TGFBR3: variants seen among roughly 807,000 people sequenced by gnomAD.
TGFBR3 encodes the protein transforming growth factor beta receptor type 3.
A neutral mutation model predicts 87.9 loss-of-function variants in TGFBR3; 46 were observed. The ratio of observed to expected loss-of-function variants is 0.52; its 90% CI spans 0.41 to 0.67. The LOEUF is 0.67. Among genes scored for constraint, TGFBR3 ranks in the 30% least tolerant of loss-of-function variants. The probability of loss-of-function intolerance (pLI) is 0.00; values close to 1 mark genes in which losing one functional copy is unlikely to be tolerated. For synonymous variants in TGFBR3, 381 were observed against 391.6 expected (o/e 0.97, Z 0.32); for missense variants, 866 against 1,041.9 (o/e 0.83, Z 2.32).
intron 4 of TGFBR3, among the ~76,000 whole-genome samples, chr1:91,747,191 G>A (rs1347186209): frequency 6.6e-6 from 1 of 152,216 alleles, no homozygotes; most frequent in African/African-American, 2.4e-5. Context: ...CTGTGGGAAG[G>A]TGGACACTCT....
At position 91,722,092 on chromosome 1, in the gene TGFBR3, G is replaced by GTCATTGTCATAGATCTTT; in HGVS notation, c.920_937dup (p.Met312_Thr313insLysArgSerMetThrMet). On this transcript the variant is annotated inframe_insertion, in exon 8 of 17. Coordinates refer to ENST00000212355, the MANE Select transcript of TGFBR3 (RefSeq NM_003243.5). ...AGGAATGTCATCTCTTATTGATTTG[G>GTCATTGTCATAGATCTTT]TCATTGTCATAGATCTTTCACTCTC... The GTCATTGTCATAGATCTTT allele has an allele frequency of 6.2e-7, 1 of 1,613,812 alleles. No individual in the cohort carries two copies.
At chr1:91,712,569 G>A (rs1672021052) in intron 12 of TGFBR3, 27 bp from the exon 13 acceptor site, 2 of 1,611,676 alleles carry the variant, frequency 1.2e-6, no homozygotes, top group African/African-American at 1.3e-5. Flanking sequence ...AGATGAATTA[G>A]GAAATGAGTT....
intron 1 of TGFBR3, among the ~76,000 whole-genome samples, chr1:91,872,664 C>T (rs1020910858): frequency 2.0e-5 from 3 of 152,160 alleles, no homozygotes; most frequent in East Asian, 1.9e-4. Context: ...GGAAATTCTG[C>T]CCTGTTTCCC....
intron 1 of TGFBR3, among the ~76,000 whole-genome samples, chr1:91,903,570 C>A (rs1266510939): frequency 6.6e-6 from 1 of 151,416 alleles, no homozygotes; most frequent in Non-Finnish European, 1.5e-5. Flanking sequence ...TACTGAGACC[C>A]CTATCTCTCT....
chr1:91,867,660 C>A (rs939096443), intron 1 of TGFBR3, among the ~76,000 whole-genome samples: 10 of 152,164 alleles, frequency 6.6e-5, no homozygotes, highest in Non-Finnish European at 8.8e-5. Flanking sequence ...TAAGAACCAC[C>A]TTTTCACATT....
rs1200072624 is a variant in TGFBR3, at chr1:91,720,084, T to C, written c.1222A>G (p.Ile408Val). 6.2e-7 allele frequency: 1 copy of C among 1,613,998 alleles called. No homozygotes were observed. The highest frequency in any genetic ancestry group is 1.3e-5 in the African/African-American group (1 of 74,902). The change falls in exon 9 of 17, where the codon ATT becomes GTT. Residue 408 changes from isoleucine to valine, a missense_variant. By Grantham distance (29) the Ile-to-Val change is conservative (BLOSUM62 3). Coordinates refer to ENST00000212355, the MANE Select transcript of TGFBR3 (RefSeq NM_003243.5). Reference protein sequence around the residue: ...NGGLPFPFPDISRRVWNEEGE... With the variant: ...NGGLPFPFPDVSRRVWNEEGE... The stretch of plus-strand genomic sequence containing the variant: ...TCTTCATTCCAGACTCTCCTGGAAA[T>C]ATCTGGGAAAGGAAACGGAAGGCCT...
intron 1 of TGFBR3, among the ~76,000 whole-genome samples, chr1:91,903,016 A>G (rs1679765361): frequency 7.2e-6 from 1 of 138,690 alleles, no homozygotes; most frequent in Admixed American, 7.4e-5. Flanking sequence ...ACAGTCTTCT[A>G]GCACCTCACT....
chr1:91,866,721 T>A (rs1430226161), intron 1 of TGFBR3: 2 of 152,084 alleles, frequency 1.3e-5, no homozygotes, highest in Non-Finnish European at 2.9e-5. Flanking sequence ...AACTACACGA[T>A]ATAATCAGAG....
chr1:91,736,685 A>G (rs1035225391), intron 4 of TGFBR3, among the ~76,000 whole-genome samples: 1 of 152,020 alleles, frequency 6.6e-6, no homozygotes, highest in Non-Finnish European at 1.5e-5. Context: ...TGTTTATCTA[A>G]TTTTTTGACT....
intron 1 of TGFBR3, among the ~76,000 whole-genome samples, chr1:91,872,831 TG>T (rs1173788660): frequency 1.3e-5 from 2 of 152,198 alleles, no homozygotes; most frequent in Admixed American, 6.5e-5. Flanking sequence ...CTTGTAAGGA[TG>T]GGGGGACCCA....
intron 4 of TGFBR3, among the ~76,000 whole-genome samples, chr1:91,738,497 TG>T (rs759612321): frequency 8.5e-5 from 13 of 152,258 alleles, no homozygotes; most frequent in Non-Finnish European, 1.8e-4. Flanking sequence ...TTTAAAAGTG[TG>T]TGGCACCTCC....
intron 16 of TGFBR3, among the ~76,000 whole-genome samples, chr1:91,685,248 T>C (rs1671050368): frequency 6.6e-6 from 1 of 152,110 alleles, no homozygotes; most frequent in Admixed American, 6.5e-5. Flanking sequence ...AATTATCTTT[T>C]CTTCTGGGAT....
intron 16 of TGFBR3, among the ~76,000 whole-genome samples, chr1:91,684,402 T>G (rs1267345136): frequency 2.0e-5 from 3 of 152,172 alleles, no homozygotes; most frequent in Non-Finnish European, 4.4e-5. Flanking sequence ...GCCAAACAGA[T>G]AAATTACCTG....
At chr1:91,817,170 T>A (rs2101051517) in intron 2 of TGFBR3, among the ~76,000 whole-genome samples, 1 of 152,340 alleles carries the variant, frequency 6.6e-6, no homozygotes, top group East Asian at 1.9e-4. Flanking sequence ...AAAGCTACCA[T>A]GAGGCCTAAC....
Position 91,681,429 on chromosome 1 carries a change from G to T in TGFBR3, c.*2310C>A. The T allele has an allele frequency of 2.8e-6, 1 of 362,844 alleles. No homozygotes were observed. The highest frequency in any genetic ancestry group is 2.2e-5 in the African/African-American group (1 of 46,164). 22.5% of individuals were successfully genotyped at this position (362,844 alleles called of 1,614,324 possible). ...CTCTTTTAAAAAGATCTTTTGGTTT[G>T]CATCTATAAATTTGTAAATTAATTT... On this transcript the variant is annotated 3_prime_UTR_variant, in exon 17 of 17. Transcript: ENST00000212355.
At chr1:91,746,048 G>A (rs1290381639) in intron 4 of TGFBR3, among the ~76,000 whole-genome samples, 1 of 151,896 alleles carries the variant, frequency 6.6e-6, no homozygotes, top group Non-Finnish European at 1.5e-5. Flanking sequence ...CTTAATTTTT[G>A]CTGAAATATA....
At chr1:91,745,657 G>A (rs574196128) in intron 4 of TGFBR3, among the ~76,000 whole-genome samples, 16 of 152,280 alleles carry the variant, frequency 1.1e-4, no homozygotes, top group East Asian at 3.9e-4. Flanking sequence ...AAAATCACAC[G>A]TTCTCCCTAC....
At chr1:91,819,863 C>T (rs1676381709) in intron 2 of TGFBR3, among the ~76,000 whole-genome samples, 1 of 152,168 alleles carries the variant, frequency 6.6e-6, no homozygotes, top group South Asian at 2.1e-4. Flanking sequence ...AATGAACCAG[C>T]TTCAGAAAAT....
intron 2 of TGFBR3, among the ~76,000 whole-genome samples, chr1:91,808,942 G>C (rs2101034004): frequency 6.6e-6 from 1 of 152,034 alleles, no homozygotes; most frequent in Non-Finnish European, 1.5e-5. Flanking sequence ...AGGTTTGAAG[G>C]ATGGGAGAAA....
Sources: gnomAD v4.1 joint callset for allele counts (sites outside exome capture counted in the v4.1 genomes callset) on GRCh38, gnomAD v4.1.1 for gene constraint, MANE v1.5 for transcripts, NCBI Gene and HGNC (gene_info 2026-07-23, HGNC 2026-07-21) for gene names.